SGCZ: variants seen among roughly 807,000 people sequenced by gnomAD.
SGCZ encodes the protein sarcoglycan zeta.
Under a neutral mutation model 41.3 loss-of-function variants are expected in SGCZ, and 40 were observed. The ratio of observed to expected loss-of-function variants is 0.97; its 90% CI spans 0.75 to 1.26. The LOEUF (loss-of-function observed/expected upper bound fraction) is 1.26. Among genes scored for constraint, SGCZ ranks in the 50% most tolerant of loss-of-function variants. The probability of loss-of-function intolerance (pLI) is 0.00; values close to 1 mark genes in which losing one functional copy is unlikely to be tolerated. For missense variants in SGCZ, 552 were observed against 369.8 expected (o/e 1.49, Z -4.04); for synonymous variants, 206 against 137.5 (o/e 1.50, Z -3.49).
At chr8:14,687,415 A>G (rs946028176) in intron 1 of SGCZ, among the ~76,000 whole-genome samples, 14 of 149,662 alleles carry the variant, frequency 9.4e-5, no homozygotes, top group Non-Finnish European at 1.8e-4. Context: ...TCATTGTTCA[A>G]TTCCCACCTA....
At chr8:14,259,073 T>C (rs1319223215) in intron 3 of SGCZ, among the ~76,000 whole-genome samples, 3 of 152,166 alleles carry the variant, frequency 2.0e-5, no homozygotes, top group Non-Finnish European at 2.9e-5. Flanking sequence ...GTTTTTTATG[T>C]TATGAAAAAA....
At chr8:14,421,112 T>C (rs781690640) in intron 2 of SGCZ, among the ~76,000 whole-genome samples, 1 of 152,140 alleles carries the variant, frequency 6.6e-6, no homozygotes, top group Non-Finnish European at 1.5e-5. Context: ...AAAATCAAAA[T>C]ATGTCTTAAC....
chr8:15,039,010 A>C (rs1353438059), intron 1 of SGCZ, among the ~76,000 whole-genome samples: 1 of 152,128 alleles, frequency 6.6e-6, no homozygotes, highest in African/African-American at 2.4e-5. Flanking sequence ...AGAAAAAGAA[A>C]TATTTGTACA....
At chr8:14,622,102 G>C (rs1395089302) in intron 1 of SGCZ, among the ~76,000 whole-genome samples, 1 of 152,122 alleles carries the variant, frequency 6.6e-6, no homozygotes, top group African/African-American at 2.4e-5. Context: ...GAAAAAAGAA[G>C]AGGTACCAAG....
At chr8:14,592,067 T>C (rs1039054540) in intron 1 of SGCZ, among the ~76,000 whole-genome samples, 3 of 152,174 alleles carry the variant, frequency 2.0e-5, no homozygotes, top group African/African-American at 7.2e-5. Flanking sequence ...TCCCAAAATA[T>C]AGCAAAGACT....
chr8:14,978,099 T>C lies in SGCZ; in HGVS notation c.39+259486A>G, dbSNP rs545894357. On this transcript the variant is annotated intron_variant, in intron 1 of 7. Coordinates refer to ENST00000382080, the MANE Select transcript of SGCZ (RefSeq NM_139167.4). ...TGCGTACTTTCATGTTCTCATATGC[T>C]ACCTCCATTCTACTCTATGTCTTTG... Among the ~76,000 whole-genome samples, 383 of 152,214 alleles carry C rather than the reference T, an allele frequency of 2.5e-3. 3 individuals are homozygous for C. Among genetic ancestry groups the C allele is most frequent in the African/African-American group, 9.0e-3 (372 of 41,532 alleles).
intron 5 of SGCZ, among the ~76,000 whole-genome samples, chr8:14,137,607 A>G (rs894627721): frequency 6.6e-6 from 1 of 152,198 alleles, no homozygotes; most frequent in African/African-American, 2.4e-5. Context: ...AATGACATGA[A>G]GTGAGAAGAG....
chr8:14,652,719 G>T, intron 1 of SGCZ, among the ~76,000 whole-genome samples: 1 of 152,144 alleles, frequency 6.6e-6, no homozygotes, highest in East Asian at 1.9e-4. Context: ...AGGAAAGTTT[G>T]TTAAGATTTG....
At chr8:14,132,629 T>A (rs990160283) in intron 5 of SGCZ, among the ~76,000 whole-genome samples, 1 of 152,210 alleles carries the variant, frequency 6.6e-6, no homozygotes, top group Non-Finnish European at 1.5e-5. Context: ...ATATTTTAAA[T>A]CGCTATTTTA....
chr8:14,460,541 T>A (rs745591801), intron 2 of SGCZ, among the ~76,000 whole-genome samples: 8 of 152,036 alleles, frequency 5.3e-5, no homozygotes, highest in Non-Finnish European at 1.0e-4. Flanking sequence ...TGGGAGAGGG[T>A]CAGGCATGCA....
intron 5 of SGCZ, among the ~76,000 whole-genome samples, chr8:14,130,323 ACTTTTCT>A (rs938633298): frequency 6.6e-6 from 1 of 150,866 alleles, no homozygotes; most frequent in Admixed American, 6.6e-5. Context: ...AAATGTCAGA[ACTTTTCT>A]CTTTTATCAC....
chr8:14,741,986 G>T (rs890173139), intron 1 of SGCZ, among the ~76,000 whole-genome samples: 1 of 151,856 alleles, frequency 6.6e-6, no homozygotes, highest in South Asian at 2.1e-4. Flanking sequence ...CCTCCATATT[G>T]ACAATAAAGC....
intron 1 of SGCZ, among the ~76,000 whole-genome samples, chr8:14,929,858 G>A (rs988506359): frequency 3.3e-5 from 5 of 152,070 alleles, no homozygotes; most frequent in East Asian, 1.9e-4. Flanking sequence ...TGACAGGCAC[G>A]AAATGTGACT....
At chr8:14,239,823 A>C (rs1585266530) in intron 3 of SGCZ, among the ~76,000 whole-genome samples, 1 of 134,926 alleles carries the variant, frequency 7.4e-6, no homozygotes, top group East Asian at 2.3e-4. Context: ...AATGGCGTGA[A>C]CCCGGGAGGC....
Position 14,202,687 on chromosome 8 carries a change from A to G in SGCZ, c.424+34905T>C, listed in dbSNP as rs542046116. 2.0e-4 allele frequency among the ~76,000 whole-genome samples: 31 copies of G among 152,278 alleles called. No homozygotes were observed. The South Asian group carries it at 6.2e-3, about 31-fold the overall frequency. On this transcript the variant is annotated intron_variant, in intron 4 of 7. Transcript: ENST00000382080. ...TATGAAATTTAAAGATCCCTTGGTAATTTTTAACATTAATATAGAAGTTAA... is the reference window on the plus strand; with the variant it reads ...TATGAAATTTAAAGATCCCTTGGTAGTTTTTAACATTAATATAGAAGTTAA...
intron 3 of SGCZ, among the ~76,000 whole-genome samples, chr8:14,261,397 G>A (rs1488383685): frequency 6.6e-6 from 1 of 152,122 alleles, no homozygotes; most frequent in Non-Finnish European, 1.5e-5. Flanking sequence ...GACAGTTTAT[G>A]TTCTTGTTGT....
chr8:15,084,781 G>T lies in SGCZ; in HGVS notation c.39+152804C>A, dbSNP rs115445137. On this transcript the variant is annotated intron_variant, in intron 1 of 7. Coordinates refer to ENST00000382080, the MANE Select transcript of SGCZ (RefSeq NM_139167.4). ...AAACAAAAGAAAGAAAGAAAGAAAA[G>T]AAATCAGGATCCTATGTCTAGTGTA... 3.5e-3 allele frequency among the ~76,000 whole-genome samples: 526 copies of T among 152,084 alleles called. 2 individuals carry two copies. Among genetic ancestry groups the T allele is most frequent in the African/African-American group, 0.012 (507 of 41,510 alleles).
intron 4 of SGCZ, among the ~76,000 whole-genome samples, chr8:14,169,933 G>A (rs1804326576): frequency 6.6e-6 from 1 of 152,034 alleles, no homozygotes; most frequent in Admixed American, 6.6e-5. Context: ...AGACACTCTT[G>A]GAGAAATTGC....
intron 2 of SGCZ, among the ~76,000 whole-genome samples, chr8:14,389,704 G>A (rs557476921): frequency 2.6e-5 from 4 of 151,782 alleles, no homozygotes; most frequent in Non-Finnish European, 4.4e-5. Context: ...AGTGTTAAGC[G>A]GCAAGAGGAA....
Sources: gnomAD v4.1 joint callset for allele counts (sites outside exome capture counted in the v4.1 genomes callset) on GRCh38, gnomAD v4.1.1 for gene constraint, MANE v1.5 for transcripts, NCBI Gene and HGNC (gene_info 2026-07-23, HGNC 2026-07-21) for gene names.